The following KALRN variants were observed in gnomAD, a reference collection of about 807,000 sequenced individuals.
The protein encoded by KALRN is kalirin RhoGEF kinase.
A neutral mutation model predicts 353.7 loss-of-function variants in KALRN; 70 were observed. That is an observed-to-expected ratio of 0.20 (90% CI 0.16 to 0.24). The LOEUF (loss-of-function observed/expected upper bound fraction) is 0.24. Ranked by LOEUF, KALRN falls within the 10% of genes least tolerant of loss-of-function variation. The pLI is 1.00. For synonymous variants in KALRN, 1,391 were observed against 1,434.8 expected, an observed-to-expected ratio of 0.97 and a Z score of 0.69; for missense variants, 2,791 against 3,756.7, an observed-to-expected ratio of 0.74 and a Z score of 6.72.
At chr3:124,390,441 A>T (rs1303153510) in intron 11 of KALRN, among the ~76,000 whole-genome samples, 2 of 152,306 alleles carry the variant, frequency 1.3e-5, no homozygotes, top group African/African-American at 2.4e-5. Context: ...CATACCACAG[A>T]CACTCCCATA....
intron 59 of KALRN, 48 bp from the exon 60 acceptor site, chr3:124,718,877 A>G (rs2063289927): frequency 1.3e-6 from 2 of 1,540,244 alleles, no homozygotes; most frequent in Non-Finnish European, 1.8e-6. Context: ...GTCAAAATAG[A>G]GGCCTAAACT....
At chr3:124,046,900 A>ATTT (rs61359225) in intron 1 of KALRN, among the ~76,000 whole-genome samples, 3 of 148,310 alleles carry the variant, frequency 2.0e-5, no homozygotes, top group African/African-American at 7.5e-5. Flanking sequence ...TTGTTGACCC[A>ATTT]TTTTTTTTTT....
intron 33 of KALRN, chr3:124,518,391 T>C: frequency 6.2e-7 from 1 of 1,613,734 alleles, no homozygotes; most frequent in Non-Finnish European, 8.5e-7. Context: ...CCGGCCCTTT[T>C]CTTAACAGGA....
chr3:124,181,157 A>T (rs1350380000), intron 1 of KALRN, among the ~76,000 whole-genome samples: 1 of 150,964 alleles, frequency 6.6e-6, no homozygotes, highest in Non-Finnish European at 1.5e-5. Flanking sequence ...AGGCTGTTAT[A>T]TGAGAATCAC....
intron 1 of KALRN, among the ~76,000 whole-genome samples, chr3:124,220,549 G>C (rs2077787752): frequency 6.6e-6 from 1 of 152,116 alleles, no homozygotes; most frequent in South Asian, 2.1e-4. Context: ...AGAATGAAGG[G>C]AATGAAGATC....
intron 34 of KALRN, among the ~76,000 whole-genome samples, chr3:124,629,741 C>A (rs2080527394): frequency 6.6e-6 from 1 of 152,210 alleles, no homozygotes; most frequent in Non-Finnish European, 1.5e-5. Context: ...CAATTAATCA[C>A]ATACAGCCTT....
At chr3:124,130,148 A>G (rs1251811337) in intron 1 of KALRN, among the ~76,000 whole-genome samples, 2 of 152,220 alleles carry the variant, frequency 1.3e-5, no homozygotes. Flanking sequence ...ATGGTAGTGT[A>G]TAAATTAAAG....
At chr3:124,114,336 T>C (rs1441815449) in intron 1 of KALRN, among the ~76,000 whole-genome samples, 1 of 152,190 alleles carries the variant, frequency 6.6e-6, no homozygotes, top group Non-Finnish European at 1.5e-5. Context: ...CTTTAGCCAA[T>C]GCCGTGGGCT....
chr3:124,121,793 T>C (rs930277469), intron 1 of KALRN, among the ~76,000 whole-genome samples: 3 of 152,220 alleles, frequency 2.0e-5, no homozygotes, highest in Non-Finnish European at 2.9e-5. Flanking sequence ...AGGAGCTGCT[T>C]ATAGGTGTCA....
At chr3:124,313,568 C>T (rs1466943785) in intron 6 of KALRN, among the ~76,000 whole-genome samples, 3 of 152,132 alleles carry the variant, frequency 2.0e-5, no homozygotes, top group African/African-American at 7.2e-5. Flanking sequence ...TTAAACTAGA[C>T]CCAAAGGAGA....
intron 56 of KALRN, among the ~76,000 whole-genome samples, chr3:124,700,364 C>G (rs1378537540): frequency 2.0e-5 from 3 of 152,066 alleles, no homozygotes; most frequent in East Asian, 1.9e-4. Flanking sequence ...CCCGGGCACC[C>G]CTGCCAGCCG....
intron 6 of KALRN, among the ~76,000 whole-genome samples, chr3:124,299,266 GGGGCCTCAAGCTGT>G (rs1445286130): frequency 6.6e-6 from 1 of 152,212 alleles, no homozygotes; most frequent in Non-Finnish European, 1.5e-5. Context: ...GGGATGGTGA[GGGGCCTCAAGCTGT>G]GGCACATTGG....
At position 124,658,478 on chromosome 3, in the gene KALRN, C is replaced by T. The variant is rs761711281; in HGVS notation, c.6084C>T (p.Arg2028=). Residue 2028 remains arginine, a synonymous_variant, in exon 42 of 60, where the codon CGC becomes CGT. Coordinates refer to ENST00000682506, the MANE Select transcript of KALRN (RefSeq NM_001388419.1). The part of the protein sequence containing the change: ...IYVWYCQNKP[R]SEYIVAEYDA... ...TGTGGTATTGTCAGAATAAGCCGCGCTCAGAGTACATCGTTGCTGAGTATG... is the reference window on the plus strand; with the variant it reads ...TGTGGTATTGTCAGAATAAGCCGCGTTCAGAGTACATCGTTGCTGAGTATG... The T allele has an allele frequency of 5.0e-6, 8 of 1,614,014 alleles. No homozygotes were observed. The East Asian group carries it at 1.6e-4, about 31-fold the overall frequency.
At chr3:124,232,241 T>G (rs1315438024) in intron 2 of KALRN, among the ~76,000 whole-genome samples, 2 of 152,204 alleles carry the variant, frequency 1.3e-5, no homozygotes, top group Non-Finnish European at 2.9e-5. Flanking sequence ...AACAGAGCTT[T>G]CGCTGTGCCC....
chr3:124,286,045 T>C (rs1259370919), intron 5 of KALRN, among the ~76,000 whole-genome samples: 1 of 150,892 alleles, frequency 6.6e-6, no homozygotes, highest in Non-Finnish European at 1.5e-5. Context: ...CTTTTCTCTC[T>C]GTGCTTCAGT....
chr3:124,293,923 T>G (rs1485111673), intron 5 of KALRN, among the ~76,000 whole-genome samples: 1 of 151,970 alleles, frequency 6.6e-6, no homozygotes, highest in Non-Finnish European at 1.5e-5. Context: ...TATGACCAAC[T>G]CATAGTATTC....
At chr3:124,533,238 T>G (rs1361402152) in intron 33 of KALRN, among the ~76,000 whole-genome samples, 4 of 151,862 alleles carry the variant, frequency 2.6e-5, no homozygotes, top group Non-Finnish European at 5.9e-5. Context: ...AAAGTTAAAA[T>G]AAAAAATAAT....
intron 1 of KALRN, among the ~76,000 whole-genome samples, chr3:124,223,887 A>G (rs1326282276): frequency 1.3e-5 from 2 of 152,216 alleles, no homozygotes; most frequent in Non-Finnish European, 2.9e-5. Flanking sequence ...CGTTTGGAGC[A>G]AGGAGAAGCA....
At chr3:124,600,665 A>G (rs1172672879) in intron 34 of KALRN, among the ~76,000 whole-genome samples, 1 of 152,220 alleles carries the variant, frequency 6.6e-6, no homozygotes, top group African/African-American at 2.4e-5. Context: ...GTGATATCAT[A>G]TATGTGACTA....
Sources: gnomAD v4.1 joint callset for allele counts (sites outside exome capture counted in the v4.1 genomes callset) on GRCh38, gnomAD v4.1.1 for gene constraint, MANE v1.5 for transcripts, NCBI Gene and HGNC (gene_info 2026-07-23, HGNC 2026-07-21) for gene names.